Variants in NPAS3 observed in about 807,000 individuals in gnomAD.
NPAS3 encodes neuronal PAS domain protein 3.
Under a neutral mutation model 73.1 loss-of-function variants are expected in NPAS3, and 14 were observed. The ratio of observed to expected loss-of-function variants is 0.19; its 90% CI spans 0.13 to 0.30. The LOEUF (loss-of-function observed/expected upper bound fraction) is 0.30, where lower values mean the gene tolerates loss of function less well. NPAS3 is among the 10% of genes least tolerant of loss of function. The pLI, the probability that NPAS3 is intolerant of heterozygous loss-of-function variation, is 1.00. For synonymous variants in NPAS3, 620 were observed against 541.5 expected (o/e 1.14, Z -2.01); for missense variants, 1,096 against 1,250.0 (o/e 0.88, Z 1.86).
intron 2 of NPAS3, among the ~76,000 whole-genome samples, chr14:33,211,987 C>G (rs897857794): frequency 1.3e-5 from 2 of 152,168 alleles, no homozygotes; most frequent in African/African-American, 4.8e-5. Flanking sequence ...TACAACTAAT[C>G]TATTCTATCT....
intron 7 of NPAS3, among the ~76,000 whole-genome samples, chr14:33,768,557 G>A (rs552326666): frequency 5.3e-5 from 8 of 152,196 alleles, no homozygotes; most frequent in Non-Finnish European, 8.8e-5. Context: ...TGTAAAGGAG[G>A]AGGTGGGGTA....
At chr14:33,664,239 G>C (rs973744224) in intron 5 of NPAS3, among the ~76,000 whole-genome samples, 3 of 152,114 alleles carry the variant, frequency 2.0e-5, no homozygotes, top group African/African-American at 4.8e-5. Context: ...TCTGATCTTT[G>C]ACAAACCTGA....
At chr14:33,422,537 T>C (rs1594879785) in intron 4 of NPAS3, among the ~76,000 whole-genome samples, 1 of 151,930 alleles carries the variant, frequency 6.6e-6, no homozygotes, top group African/African-American at 2.4e-5. Flanking sequence ...ATGTCAGATA[T>C]ACTAGAAATA....
intron 2 of NPAS3, among the ~76,000 whole-genome samples, chr14:33,118,658 G>C (rs960933977): frequency 6.6e-6 from 1 of 152,000 alleles, no homozygotes; most frequent in Admixed American, 6.6e-5. Flanking sequence ...TGTATCCAGG[G>C]CAAAATATAG....
intron 4 of NPAS3, among the ~76,000 whole-genome samples, chr14:33,514,109 A>G (rs765146248): frequency 6.6e-5 from 10 of 152,054 alleles, no homozygotes; most frequent in Non-Finnish European, 1.2e-4. Flanking sequence ...CACTCACACA[A>G]TTGCAGTACA....
chr14:33,373,564 A>G (rs1307910978), intron 4 of NPAS3, among the ~76,000 whole-genome samples: 1 of 152,184 alleles, frequency 6.6e-6, no homozygotes, highest in African/African-American at 2.4e-5. Flanking sequence ...ACATGTTTGT[A>G]CATAACTAAT....
At chr14:33,148,942 C>T (rs2044345697) in intron 2 of NPAS3, among the ~76,000 whole-genome samples, 1 of 152,126 alleles carries the variant, frequency 6.6e-6, no homozygotes, top group African/African-American at 2.4e-5. Context: ...TCACCTTGGC[C>T]TCCCCAAGTG....
intron 3 of NPAS3, among the ~76,000 whole-genome samples, chr14:33,223,256 A>G (rs1463562408): frequency 6.6e-6 from 1 of 152,182 alleles, no homozygotes; most frequent in Non-Finnish European, 1.5e-5. Flanking sequence ...GGTTGCAATG[A>G]GCCGAGACTG....
At chr14:33,274,967 G>T in intron 3 of NPAS3, among the ~76,000 whole-genome samples, 1 of 152,218 alleles carries the variant, frequency 6.6e-6, no homozygotes. Flanking sequence ...CACGATAGTG[G>T]CAGTGCCTAT....
At chr14:33,755,622 G>T (rs2062091655) in intron 7 of NPAS3, among the ~76,000 whole-genome samples, 1 of 152,098 alleles carries the variant, frequency 6.6e-6, no homozygotes, top group Non-Finnish European at 1.5e-5. Flanking sequence ...CCTTGTCATT[G>T]TTGCTCACTT....
intron 7 of NPAS3, among the ~76,000 whole-genome samples, chr14:33,741,806 T>A (rs1218721696): frequency 1.3e-5 from 2 of 152,172 alleles, no homozygotes; most frequent in Admixed American, 1.3e-4. Context: ...CATTTTCCGC[T>A]ACAGAGATTT....
intron 5 of NPAS3, among the ~76,000 whole-genome samples, chr14:33,614,604 C>T (rs148220664): frequency 6.6e-6 from 1 of 152,240 alleles, no homozygotes; most frequent in African/African-American, 2.4e-5. Context: ...GCATAAGCAG[C>T]TTAAACAGTC....
At chr14:33,180,763 C>T (rs1206676686) in intron 2 of NPAS3, among the ~76,000 whole-genome samples, 3 of 131,324 alleles carry the variant, frequency 2.3e-5, no homozygotes, top group Non-Finnish European at 4.6e-5. Context: ...CGTGCCACTG[C>T]ACTCCAGCCT....
intron 4 of NPAS3, among the ~76,000 whole-genome samples, chr14:33,480,233 A>C (rs1202389199): frequency 6.6e-6 from 1 of 152,194 alleles, no homozygotes; most frequent in Admixed American, 6.5e-5. Flanking sequence ...TTTAAGAAGC[A>C]TTTTAATAAG....
intron 7 of NPAS3, among the ~76,000 whole-genome samples, chr14:33,768,164 A>G (rs1462307854): frequency 6.6e-6 from 1 of 152,250 alleles, no homozygotes; most frequent in Non-Finnish European, 1.5e-5. Context: ...AATCTTGTGC[A>G]TTCTGCTTCA....
chr14:33,495,163 CTGGTACAT>C (rs1305579988), intron 4 of NPAS3, among the ~76,000 whole-genome samples: 1 of 152,098 alleles, frequency 6.6e-6, no homozygotes, highest in Non-Finnish European at 1.5e-5. Flanking sequence ...CCCAGAGATT[CTGGTACAT>C]TGTGTCTTTG....
chr14:33,300,291 G>C (rs2042476813), intron 3 of NPAS3, among the ~76,000 whole-genome samples: 4 of 152,200 alleles, frequency 2.6e-5, no homozygotes, highest in Admixed American at 2.6e-4. Context: ...AGGTTTGCAA[G>C]CTGTGCTTTT....
intron 1 of NPAS3, among the ~76,000 whole-genome samples, chr14:32,946,371 C>CAT (rs1315949485): frequency 1.3e-5 from 2 of 151,568 alleles, no homozygotes; most frequent in African/African-American, 4.8e-5. Context: ...CACACACACA[C>CAT]ACACACACAC....
At chr14:33,123,901 C>T (rs568227878) in intron 2 of NPAS3, among the ~76,000 whole-genome samples, 137 of 145,986 alleles carry the variant, frequency 9.4e-4, no homozygotes, top group Non-Finnish European at 1.8e-3. Context: ...TCACTCTGTC[C>T]CTGAGACTGG....
Sources: allele counts gnomAD v4.1 joint callset (sites outside exome capture counted in the v4.1 genomes callset), GRCh38; gene constraint gnomAD v4.1.1; transcripts MANE v1.5; gene names NCBI Gene and HGNC (gene_info 2026-07-23, HGNC 2026-07-21).